Variants in PLEKHM2 observed in about 807,000 individuals in gnomAD.
The protein encoded by PLEKHM2 is pleckstrin homology and RUN domain containing M2.
In PLEKHM2, 77 loss-of-function variants were observed where a neutral mutation model predicts 116.3. The ratio of observed to expected loss-of-function variants is 0.66; its 90% CI spans 0.55 to 0.80. The LOEUF (loss-of-function observed/expected upper bound fraction) is 0.80. Among genes scored for constraint, PLEKHM2 ranks in the 30% least tolerant of loss-of-function variants. The pLI is 0.00. For synonymous variants in PLEKHM2, 562 were observed against 571.0 expected, an observed-to-expected ratio of 0.98 and a Z score of 0.22; for missense variants, 1,183 against 1,354.9, an observed-to-expected ratio of 0.87 and a Z score of 1.99.
intron 3 of PLEKHM2, among the ~76,000 whole-genome samples, chr1:15,717,257 T>C (rs1339025444): frequency 6.6e-6 from 1 of 151,832 alleles, no homozygotes; most frequent in Non-Finnish European, 1.5e-5. Context: ...CTCTAAAGAT[T>C]TAGGAAAATG....
At chr1:15,732,187 TGGAGCTCA>T in intron 17 of PLEKHM2, 139 bp downstream of exon 17, 1 of 958,378 alleles carries the variant, frequency 1.0e-6, no homozygotes, top group Non-Finnish European at 1.6e-6. Flanking sequence ...GAATGGACCC[TGGAGCTCA>T]GAGGCATCAC....
chr1:15,715,508 G>T (rs1641427156), intron 1 of PLEKHM2, among the ~76,000 whole-genome samples: 1 of 152,112 alleles, frequency 6.6e-6, no homozygotes, highest in Non-Finnish European at 1.5e-5. Context: ...GGGCATGGTG[G>T]TGGGCACCTG....
Position 15,728,995 on chromosome 1 carries a change from C to T in PLEKHM2, c.1987-107C>T, listed in dbSNP as rs143805139. 721 of 1,033,676 alleles carry T rather than the reference C, an allele frequency of 7.0e-4. 6 individuals carry two copies. In the East Asian group the frequency reaches 0.012, roughly 17 times the overall value. 64.0% of individuals were successfully genotyped at this position (1,033,676 alleles called of 1,614,324 possible). Reference sequence around the variant, plus strand: ...TCTGGGGCTTTACTTGGTGGTGGCCCGGGGTGTGCTTCTTCCTCCCCAGCA... The same window carrying T: ...TCTGGGGCTTTACTTGGTGGTGGCCTGGGGTGTGCTTCTTCCTCCCCAGCA... On this transcript the variant is annotated intron_variant, in intron 12 of 19. Coordinates refer to ENST00000375799, the MANE Select transcript of PLEKHM2 (RefSeq NM_015164.4). This position sits in a 1 kb window ranked among gnomAD's most constrained non-coding sequence, Gnocchi z 5.9.
intron 3 of PLEKHM2, 32 bp downstream of exon 3, chr1:15,716,848 G>T: frequency 6.4e-7 from 1 of 1,550,832 alleles, no homozygotes; most frequent in South Asian, 1.2e-5. Flanking sequence ...CTGGGGAAGG[G>T]ACCAGCTCCA....
rs1266276366 is a variant in PLEKHM2, at chr1:15,728,479, C to T, written c.1921+122C>T. 1.9e-6 allele frequency: 2 copies of T among 1,032,874 alleles called. No individual in the cohort carries two copies. The highest frequency in any genetic ancestry group is 2.9e-6 in the Non-Finnish European group (2 of 699,448). The allele number at this position is 1,032,874 out of a possible 1,614,324, so 64.0% of individuals were successfully genotyped here. A position where few individuals can be genotyped will look rare whatever the true frequency, so the allele number is the denominator to read the frequency against. On this transcript the variant is annotated intron_variant, in intron 11 of 19. Coordinates refer to ENST00000375799, the MANE Select transcript of PLEKHM2 (RefSeq NM_015164.4). This position sits in a 1 kb window ranked among gnomAD's most constrained non-coding sequence, Gnocchi z 5.9. ...CCTGGCATGCAGTGATGGAAAGGCA[C>T]CCCAAGGAAGGTGTTGCCAGCAGCC...
chr1:15,731,275 AGCGGGTGTATCCTGGG>A lies in PLEKHM2; in HGVS notation c.2465+21_2465+36del, dbSNP rs1466368372. 1 of 1,558,102 alleles carries A rather than the reference AGCGGGTGTATCCTGGG, an allele frequency of 6.4e-7. No homozygotes were observed. The highest frequency in any genetic ancestry group is 1.4e-5 in the African/African-American group (1 of 73,582). ...AACATGGGGTAAGTGTCCCGGGAGA[AGCGGGTGTATCCTGGG>A]GCCCAGAGCTGCCGTTTCCCTGGTT... On this transcript the variant is annotated intron_variant, in intron 16 of 19. Transcript: ENST00000375799.
At chr1:15,726,977 T>C in intron 8 of PLEKHM2, 37 bp from the exon 9 acceptor site, 9 of 1,382,434 alleles carry the variant, frequency 6.5e-6, no homozygotes, top group Non-Finnish European at 8.7e-6. Flanking sequence ...ACTGGACTAC[T>C]CAGGGGTTAA....
rs369748260 is a variant in PLEKHM2, at chr1:15,711,833, A to G, written c.61-4404A>G. On this transcript the variant is annotated intron_variant, in intron 1 of 19. Coordinates refer to ENST00000375799, the MANE Select transcript of PLEKHM2 (RefSeq NM_015164.4). ...TAGGTTAAATCCTTAAAGAGCTGTA[A>G]CATGGCTGGGCGCGGTGGCTCACGC... Among the ~76,000 whole-genome samples the G allele has an allele frequency of 2.2e-4, 33 of 151,724 alleles. No homozygotes were observed. In the South Asian group the frequency reaches 6.9e-3, roughly 32 times the overall value.
chr1:15,725,723 C>A, intron 8 of PLEKHM2, 178 bp downstream of exon 8: 1 of 595,116 alleles, frequency 1.7e-6, no homozygotes, highest in Non-Finnish European at 3.0e-6. Context: ...GAGGCCTGTC[C>A]TAGTCAGCTC....
chr1:15,698,694 C>T lies in PLEKHM2; in HGVS notation c.60+14076C>T, dbSNP rs550607075. Among the ~76,000 whole-genome samples, 8 of 151,618 alleles carry T rather than the reference C, an allele frequency of 5.3e-5. No homozygotes were observed. In the South Asian group the frequency reaches 1.0e-3, roughly 20 times the overall value. ...TCCCAAGTAGCTGGGATTACAGGTG[C>T]GCACCACCACACCTGGCTAATTTTT... On this transcript the variant is annotated intron_variant, in intron 1 of 19. Transcript: ENST00000375799.
At chr1:15,725,881 T>A in intron 8 of PLEKHM2, 1 of 331,386 alleles carries the variant, frequency 3.0e-6, no homozygotes, top group Admixed American at 4.4e-5. Context: ...CGCTGTGTTG[T>A]GGCGGGGAGT....
Position 15,721,456 on chromosome 1 carries a change from G to A in PLEKHM2, c.712+68G>A. 1 of 914,202 alleles carries A rather than the reference G, an allele frequency of 1.1e-6. No homozygotes were observed. Among genetic ancestry groups the A allele is most frequent in the South Asian group, 1.5e-5 (1 of 66,874 alleles). The allele number at this position is 914,202 out of a possible 1,614,324, so 56.6% of individuals were successfully genotyped here. On this transcript the variant is annotated intron_variant, in intron 7 of 19. Coordinates refer to ENST00000375799, the MANE Select transcript of PLEKHM2 (RefSeq NM_015164.4). This position sits in a 1 kb window ranked among gnomAD's most constrained non-coding sequence, Gnocchi z 5.1. ...TGTTTCCATGCCAAGCTTGCTGCAT[G>A]TATCAAATCAGCTCCTTATTATTTA...
At chr1:15,711,272 TCTAAAC>T (rs373391008) in intron 1 of PLEKHM2, among the ~76,000 whole-genome samples, 184 of 151,542 alleles carry the variant, frequency 1.2e-3, no homozygotes, top group African/African-American at 4.1e-3. Flanking sequence ...ACAAAAAAGA[TCTAAAC>T]CTAAAAACCA....
intron 1 of PLEKHM2, among the ~76,000 whole-genome samples, chr1:15,693,720 C>T (rs901625284): frequency 6.6e-6 from 1 of 152,158 alleles, no homozygotes; most frequent in African/African-American, 2.4e-5. Context: ...AAATTCCCAG[C>T]AAAACTAAAA....
chr1:15,704,110 A>T (rs1398944161), intron 1 of PLEKHM2, among the ~76,000 whole-genome samples: 1 of 151,900 alleles, frequency 6.6e-6, no homozygotes, highest in Non-Finnish European at 1.5e-5. Context: ...CAACTTTTTC[A>T]TCCTCCCACC....
chr1:15,714,140 C>T (rs776504246), intron 1 of PLEKHM2, among the ~76,000 whole-genome samples: 2 of 151,898 alleles, frequency 1.3e-5, no homozygotes, highest in Non-Finnish European at 2.9e-5. Context: ...CGAGGTTTCA[C>T]CATCTTGGCC....
chr1:15,705,170 CTTTTTTTTTTT>C (rs71306988), intron 1 of PLEKHM2, among the ~76,000 whole-genome samples: 2 of 74,044 alleles, frequency 2.7e-5, no homozygotes, highest in Admixed American at 2.9e-4. Context: ...ACGTAGATAT[CTTTTTTTTTTT>C]TTTTTTTTTT....
rs2068088159 is a variant in PLEKHM2 at position 15,727,950 on chromosome 1, G to A, written c.1760+118G>A. On this transcript the variant is annotated intron_variant, in intron 9 of 19. Transcript: ENST00000375799. This position sits in a 1 kb window ranked among gnomAD's most constrained non-coding sequence, Gnocchi z 7.5. ...AGACCTAGCCTGAGTGAGAAGGGGT[G>A]TGAGCCTCCCTCCCTAACTTTGGCT... 7.5e-6 allele frequency: 9 copies of A among 1,194,340 alleles called. No homozygotes were observed. In the South Asian group the frequency reaches 9.5e-5, roughly 13 times the overall value. The allele number at this position is 1,194,340 out of a possible 1,614,324, so 74.0% of individuals were successfully genotyped here. A position where few individuals can be genotyped will look rare whatever the true frequency, so the allele number is the denominator to read the frequency against.
chr1:15,725,734 G>T, intron 8 of PLEKHM2, 189 bp downstream of exon 8: 1 of 589,148 alleles, frequency 1.7e-6, no homozygotes, highest in Non-Finnish European at 3.0e-6. Flanking sequence ...TAGTCAGCTC[G>T]GCTGCTGGAA....
Sources: gnomAD v4.1 joint callset for allele counts (sites outside exome capture counted in the v4.1 genomes callset) on GRCh38, gnomAD v4.1.1 for gene constraint, Gnocchi (gnomAD v3.1) non-coding constraint, MANE v1.5 for transcripts, NCBI Gene and HGNC (gene_info 2026-07-23, HGNC 2026-07-21) for gene names.